The following IL1R1 variants were observed in gnomAD, a reference collection of about 807,000 sequenced individuals.
The protein encoded by IL1R1 is interleukin-1 receptor type 1.
IL1R1 carries 22 observed loss-of-function variants against 50.2 expected under a neutral mutation model. That is an observed-to-expected ratio of 0.44 (90% CI 0.31 to 0.63). IL1R1 has a LOEUF of 0.63. IL1R1 is among the 20% of genes least tolerant of loss of function. The probability of loss-of-function intolerance (pLI) is 0.07; values close to 1 mark genes in which losing one functional copy is unlikely to be tolerated. For synonymous variants in IL1R1, 251 were observed against 236.7 expected (o/e 1.06, Z -0.55); for missense variants, 509 against 676.2 (o/e 0.75, Z 2.74).
At chr2:102,097,134 G>A (rs542746958) in intron 1 of IL1R1, among the ~76,000 whole-genome samples, 1 of 152,066 alleles carries the variant, frequency 6.6e-6, no homozygotes, top group Non-Finnish European at 1.5e-5. Context: ...GCTCTTTTTC[G>A]TGGTTCTTTT....
intron 1 of IL1R1, among the ~76,000 whole-genome samples, chr2:102,074,203 G>C (rs568207394): frequency 6.6e-6 from 1 of 152,268 alleles, no homozygotes; most frequent in Admixed American, 6.5e-5. Flanking sequence ...CCTACCCCCA[G>C]TCCAGAAAAC....
chr2:102,079,124 T>C (rs1679102155), intron 1 of IL1R1, among the ~76,000 whole-genome samples: 1 of 152,100 alleles, frequency 6.6e-6, no homozygotes, highest in South Asian at 2.1e-4. Context: ...TTTCTTAACC[T>C]GATAATGGGC....
At chr2:102,086,789 A>G (rs1236487535) in intron 1 of IL1R1, among the ~76,000 whole-genome samples, 2 of 152,052 alleles carry the variant, frequency 1.3e-5, no homozygotes, top group African/African-American at 2.4e-5. Flanking sequence ...TCACTCATCA[A>G]TATCTTATTT....
chr2:102,074,521 A>G (rs1476145824), intron 1 of IL1R1, among the ~76,000 whole-genome samples: 1 of 152,164 alleles, frequency 6.6e-6, no homozygotes, highest in Non-Finnish European at 1.5e-5. Flanking sequence ...AAGCTGTTCA[A>G]CCTTTGTGAG....
intron 2 of IL1R1, among the ~76,000 whole-genome samples, chr2:102,155,472 G>A (rs1172803671): frequency 6.6e-6 from 1 of 152,196 alleles, no homozygotes; most frequent in African/African-American, 2.4e-5. Flanking sequence ...GGACATAATG[G>A]GGTTTGTGTT....
intron 1 of IL1R1, among the ~76,000 whole-genome samples, chr2:102,125,439 G>C (rs1256080497): frequency 6.6e-6 from 1 of 152,172 alleles, no homozygotes; most frequent in Admixed American, 6.5e-5. Flanking sequence ...TCATGGACTG[G>C]GAGCTTCCTG....
intron 1 of IL1R1, among the ~76,000 whole-genome samples, chr2:102,117,226 C>T (rs888423812): frequency 7.9e-5 from 12 of 152,130 alleles, no homozygotes; most frequent in South Asian, 2.1e-4. Flanking sequence ...CAAATAACAA[C>T]GCAAAGCACT....
At chr2:102,128,611 T>C (rs1461585510) in intron 1 of IL1R1, among the ~76,000 whole-genome samples, 2 of 152,200 alleles carry the variant, frequency 1.3e-5, no homozygotes, top group Non-Finnish European at 2.9e-5. Flanking sequence ...ACAGATAGTA[T>C]ATTGTAGAGC....
In IL1R1 at chr2:102,168,582, G is replaced by A. The variant is rs373423043; in HGVS notation, c.656-16G>A. The stretch of plus-strand genomic sequence containing the variant: ...CTATAAGAGACTGACAAACCTTATG[G>A]ATGTTTTTCTTTCAGAGGAAAACAA... On this transcript the variant is annotated splice_polypyrimidine_tract_variant and intron_variant, in intron 6 of 11. Transcript: ENST00000410023. 1.2e-6 allele frequency: 2 copies of A among 1,607,476 alleles called. No homozygotes were observed. The highest frequency in any genetic ancestry group is 1.7e-6 in the Non-Finnish European group (2 of 1,174,224).
intron 1 of IL1R1, among the ~76,000 whole-genome samples, chr2:102,119,932 A>G (rs1681313416): frequency 6.6e-6 from 1 of 152,122 alleles, no homozygotes; most frequent in Non-Finnish European, 1.5e-5. Flanking sequence ...AAATGTATAT[A>G]TTTTGATACC....
At chr2:102,113,562 A>G (rs1328244410) in intron 1 of IL1R1, among the ~76,000 whole-genome samples, 1 of 152,190 alleles carries the variant, frequency 6.6e-6, no homozygotes, top group African/African-American at 2.4e-5. Context: ...GGAGTTAGTG[A>G]GAGGGTAGAA....
At chr2:102,083,704 G>C (rs1010620892) in intron 1 of IL1R1, among the ~76,000 whole-genome samples, 2 of 152,130 alleles carry the variant, frequency 1.3e-5, no homozygotes, top group Admixed American at 6.5e-5. Context: ...CCAGCACTTT[G>C]GGACGCCGAG....
intron 1 of IL1R1, among the ~76,000 whole-genome samples, chr2:102,150,174 G>T (rs113993820): frequency 0.018 from 2,784 of 152,332 alleles, 49 homozygotes; most frequent in Admixed American, 0.056. Flanking sequence ...TAAATGCACT[G>T]TGGCTACACA....
At chr2:102,100,930 C>T (rs1449157390), upstream of IL1R1, among the ~76,000 whole-genome samples, 1 of 152,142 alleles carries the variant, frequency 6.6e-6, no homozygotes, top group East Asian at 1.9e-4. Context: ...CAGCCAGGCA[C>T]TCAAGTCAGA....
At chr2:102,084,904 C>T (rs1055810817) in intron 1 of IL1R1, among the ~76,000 whole-genome samples, 1 of 152,204 alleles carries the variant, frequency 6.6e-6, no homozygotes, top group East Asian at 1.9e-4. Flanking sequence ...TTAATATTTT[C>T]TCTTATTCAT....
intron 1 of IL1R1, among the ~76,000 whole-genome samples, chr2:102,144,691 G>A (rs1206269336): frequency 2.0e-5 from 3 of 152,296 alleles, no homozygotes; most frequent in Non-Finnish European, 2.9e-5. Context: ...GATGTCAGCA[G>A]TCTCTCTTCA....
chr2:102,166,257 C>A lies in IL1R1; in HGVS notation c.631C>A (p.Arg211=). ...TYLGKQYPIT[R]VIEFITLEEN... ...CTTGGGCAAGCAATATCCTATTACC[C>A]GGGTAATAGAATTTATTACTCTAGG... is the stretch of plus-strand genomic sequence containing the variant. Residue 211 remains arginine (R), a synonymous_variant, in exon 6 of 12, where the codon CGG becomes AGG. Coordinates refer to ENST00000410023, the MANE Select transcript of IL1R1 (RefSeq NM_000877.4). 6.2e-7 allele frequency: 1 copy of A among 1,613,118 alleles called. No individual in the cohort carries two copies. Among genetic ancestry groups the A allele is most frequent in the Non-Finnish European group, 8.5e-7 (1 of 1,179,410 alleles).
At chr2:102,132,123 G>A (rs1423697764) in intron 1 of IL1R1, among the ~76,000 whole-genome samples, 1 of 151,594 alleles carries the variant, frequency 6.6e-6, no homozygotes, top group Non-Finnish European at 1.5e-5. Context: ...ACACAATAAA[G>A]CCATTTCAGA....
At chr2:102,173,728 G>C (rs1031008479) in intron 9 of IL1R1, among the ~76,000 whole-genome samples, 6 of 152,188 alleles carry the variant, frequency 3.9e-5, no homozygotes, top group Admixed American at 1.3e-4. Flanking sequence ...ATTTGTACAA[G>C]TGAGAGTCAG....
Sources: gnomAD v4.1 joint callset for allele counts (sites outside exome capture counted in the v4.1 genomes callset) on GRCh38, gnomAD v4.1.1 for gene constraint, MANE v1.5 for transcripts, NCBI Gene and HGNC (gene_info 2026-07-23, HGNC 2026-07-21) for gene names.